PLCG2: variants seen among roughly 807,000 people sequenced by gnomAD.
PLCG2 encodes the protein phospholipase C gamma 2.
A neutral mutation model predicts 175.6 loss-of-function variants in PLCG2; 69 were observed. The observed-to-expected ratio is 0.39, with a 90% confidence interval of 0.32 to 0.48. PLCG2 has a LOEUF of 0.48. Ranked by LOEUF, PLCG2 falls within the 20% of genes least tolerant of loss-of-function variation. The probability of loss-of-function intolerance (pLI) is 0.91; values close to 1 mark genes in which losing one functional copy is unlikely to be tolerated. For missense variants in PLCG2, 1,798 were observed against 1,650.9 expected, an observed-to-expected ratio of 1.09 and a Z score of -1.54; for synonymous variants, 827 against 624.0, an observed-to-expected ratio of 1.33 and a Z score of -4.85.
intron 12 of PLCG2, among the ~76,000 whole-genome samples, chr16:81,894,040 G>A (rs200132500): frequency 6.6e-6 from 1 of 151,036 alleles, no homozygotes; most frequent in African/African-American, 2.4e-5. Context: ...TTAGAGGAAG[G>A]CAAACAGACA....
intron 1 of PLCG2, among the ~76,000 whole-genome samples, chr16:81,751,264 A>C (rs897197789): frequency 6.6e-6 from 1 of 152,178 alleles, no homozygotes; most frequent in African/African-American, 2.4e-5. Context: ...TACAGGCATG[A>C]GCCACTGCCT....
intron 1 of PLCG2, among the ~76,000 whole-genome samples, chr16:81,746,321 C>T (rs1313235208): frequency 6.6e-6 from 1 of 152,222 alleles, no homozygotes; most frequent in Non-Finnish European, 1.5e-5. Flanking sequence ...AGTTTTCGCC[C>T]CCAGCACAGG....
intron 2 of PLCG2, among the ~76,000 whole-genome samples, chr16:81,813,453 C>G (rs995172649): frequency 6.6e-6 from 1 of 152,252 alleles, no homozygotes; most frequent in Non-Finnish European, 1.5e-5. Flanking sequence ...GGAGTTCACT[C>G]ATGATTTAGC....
intron 2 of PLCG2, among the ~76,000 whole-genome samples, chr16:81,850,734 A>G (rs929738455): frequency 3.9e-5 from 6 of 152,200 alleles, no homozygotes; most frequent in Non-Finnish European, 7.3e-5. Flanking sequence ...GCACAGTGTA[A>G]CAGCATAGAG....
chr16:81,812,019 T>C (rs2143297195), intron 2 of PLCG2, among the ~76,000 whole-genome samples: 1 of 149,208 alleles, frequency 6.7e-6, no homozygotes, highest in East Asian at 2.0e-4. Context: ...CTCTACATCC[T>C]CTCCAGCATC....
At chr16:81,892,423 T>A (rs1005443137) in intron 11 of PLCG2, among the ~76,000 whole-genome samples, 1 of 152,094 alleles carries the variant, frequency 6.6e-6, no homozygotes, top group African/African-American at 2.4e-5. Flanking sequence ...CCTTGGGTGA[T>A]GGCCCCCACA....
At chr16:81,950,387 T>TA in intron 31 of PLCG2, among the ~76,000 whole-genome samples, 1 of 152,312 alleles carries the variant, frequency 6.6e-6, no homozygotes, top group South Asian at 2.1e-4. Context: ...TAAAAGTCAT[T>TA]AGCAAATAGC....
intron 30 of PLCG2, among the ~76,000 whole-genome samples, chr16:81,945,068 T>G (rs80201510): frequency 0.01 from 1,558 of 152,276 alleles, 11 homozygotes; most frequent in Non-Finnish European, 0.015. Flanking sequence ...CAATACACCT[T>G]AGGGGTGTAA....
At chr16:81,938,078 G>A (rs1254139791) in intron 28 of PLCG2, among the ~76,000 whole-genome samples, 175 bp downstream of exon 28, 2 of 152,140 alleles carry the variant, frequency 1.3e-5, no homozygotes, top group African/African-American at 2.4e-5. Context: ...CTCCGGGGTC[G>A]TTCTGGGAGA....
Position 81,907,902 on chromosome 16 carries a change from T to C in PLCG2, c.1557+128T>C, listed in dbSNP as rs904593139. 1.2e-5 allele frequency: 8 copies of C among 642,098 alleles called. No homozygotes were observed. In the African/African-American group the frequency reaches 1.5e-4, roughly 12 times the overall value. The allele number at this position is 642,098 out of a possible 1,614,324, so 39.8% of individuals were successfully genotyped here. A position where few individuals can be genotyped will look rare whatever the true frequency, so the allele number is the denominator to read the frequency against. ...CAAGGGGATGCTCCGCTGAAGAAGCTGTTGATACTCTGGGTACCATGTCCT... is the reference window on the plus strand; with the variant it reads ...CAAGGGGATGCTCCGCTGAAGAAGCCGTTGATACTCTGGGTACCATGTCCT... On this transcript the variant is annotated intron_variant, in intron 16 of 32. Transcript: ENST00000564138.
At chr16:81,895,763 A>G in intron 12 of PLCG2, 44 bp from the exon 13 acceptor site, 1 of 1,610,470 alleles carries the variant, frequency 6.2e-7, no homozygotes, top group South Asian at 1.1e-5. Flanking sequence ...CGGGGCTGTC[A>G]GTGAACACAC....
At chr16:81,909,174 C>T (rs1182633265) in intron 17 of PLCG2, among the ~76,000 whole-genome samples, 2 of 152,198 alleles carry the variant, frequency 1.3e-5, no homozygotes, top group African/African-American at 2.4e-5. Context: ...TGGACACTAG[C>T]GTCTTTTGAA....
chr16:81,961,154 T>C lies in PLCG2; in HGVS notation c.*3156T>C. ...ACAGCCTGTAGATTTCTGAGTCTCT[T>C]AGCATGTAACTACAAAGGGGTTGGA... is the stretch of plus-strand genomic sequence containing the variant. On this transcript the variant is annotated 3_prime_UTR_variant, in exon 33 of 33. Transcript: ENST00000564138. 2 of 230,354 alleles carry C rather than the reference T, an allele frequency of 8.7e-6. No individual in the cohort carries two copies. The highest frequency in any genetic ancestry group is 1.7e-5 in the Non-Finnish European group (2 of 116,266). 14.3% of individuals were successfully genotyped at this position (230,354 alleles called of 1,614,324 possible). A position where few individuals can be genotyped will look rare whatever the true frequency, so the allele number is the denominator to read the frequency against.
chr16:81,914,111 C>T (rs112690808), intron 19 of PLCG2, among the ~76,000 whole-genome samples: 2,327 of 152,308 alleles, frequency 0.015, 19 homozygotes, highest in Non-Finnish European at 0.021. Context: ...CCGCTGCACA[C>T]GGATTGAAAA....
intron 2 of PLCG2, among the ~76,000 whole-genome samples, chr16:81,814,905 A>G (rs1478896562): frequency 1.3e-5 from 2 of 152,124 alleles, no homozygotes; most frequent in Non-Finnish European, 2.9e-5. Context: ...GCCAATACAC[A>G]TTAGGTTTGT....
intron 2 of PLCG2, among the ~76,000 whole-genome samples, chr16:81,854,203 G>A (rs552721448): frequency 1.3e-5 from 2 of 152,296 alleles, no homozygotes; most frequent in African/African-American, 4.8e-5. Flanking sequence ...CAGGGTGAGC[G>A]GAAACCCCAA....
At chr16:81,921,613 C>T (rs1355623904) in intron 21 of PLCG2, 1 of 363,712 alleles carries the variant, frequency 2.7e-6, no homozygotes, top group African/African-American at 2.1e-5. Context: ...GTTCACTGAC[C>T]TCCTTGCAGT....
chr16:81,771,048 A>T (rs1313496788), intron 2 of PLCG2, among the ~76,000 whole-genome samples: 1 of 103,130 alleles, frequency 9.7e-6, no homozygotes, highest in Non-Finnish European at 2.0e-5. Context: ...ACAGAGCGAG[A>T]CTCCATCTCA....
intron 10 of PLCG2, among the ~76,000 whole-genome samples, chr16:81,889,822 T>G (rs976987973): frequency 6.6e-6 from 1 of 151,792 alleles, no homozygotes; most frequent in Non-Finnish European, 1.5e-5. Flanking sequence ...GTCTGGCTAA[T>G]TTTTTTTGTA....
Sources: gnomAD v4.1 joint callset for allele counts (sites outside exome capture counted in the v4.1 genomes callset) on GRCh38, gnomAD v4.1.1 for gene constraint, MANE v1.5 for transcripts, NCBI Gene and HGNC (gene_info 2026-07-23, HGNC 2026-07-21) for gene names.